Variants in TLE2 observed in about 807,000 individuals in gnomAD.
TLE2 encodes the protein transducin-like enhancer protein 2.
Under a neutral mutation model 97.2 loss-of-function variants are expected in TLE2, and 74 were observed. The ratio of observed to expected loss-of-function variants is 0.76; its 90% confidence interval spans 0.63 to 0.92. TLE2 has a LOEUF of 0.92. Ranked by LOEUF, TLE2 falls within the 40% of genes least tolerant of loss-of-function variation. The pLI, the probability that TLE2 is intolerant of heterozygous loss-of-function variation, is 0.00. For missense variants in TLE2, 1,038 were observed against 1,008.7 expected (o/e 1.03, Z -0.39); for synonymous variants, 499 against 432.1 (o/e 1.15, Z -1.92).
intron 15 of TLE2, 86 bp downstream of exon 15, chr19:3,006,334 C>T (rs1447256847): frequency 6.6e-7 from 1 of 1,526,076 alleles, no homozygotes; most frequent in South Asian, 1.2e-5. Context: ...GCCCCACCCA[C>T]GGCCAGCCTG....
intron 1 of TLE2, among the ~76,000 whole-genome samples, chr19:3,038,847 C>G (rs2090079592): frequency 6.6e-6 from 1 of 152,112 alleles, no homozygotes; most frequent in Non-Finnish European, 1.5e-5. Flanking sequence ...GAGTTCAAGA[C>G]CAGCCTGACC....
At chr19:3,041,747 G>A (rs1307798908) in intron 1 of TLE2, among the ~76,000 whole-genome samples, 1 of 152,204 alleles carries the variant, frequency 6.6e-6, no homozygotes, top group African/African-American at 2.4e-5. Flanking sequence ...CACAGTAGGC[G>A]CCCAATAAAT....
chr19:3,019,967 C>T lies in TLE2; in HGVS notation c.295-194G>A. 4 of 737,292 alleles carry T rather than the reference C, an allele frequency of 5.4e-6. No individual in the cohort carries two copies. The highest frequency in any genetic ancestry group is 3.8e-5 in the South Asian group (2 of 53,020). The allele number at this position is 737,292 out of a possible 1,614,324, so 45.7% of individuals were successfully genotyped here. ...GAAATAAGCACACGGAGAAAGAAAC[C>T]AAACCTAAGTGCAGGTAGAATAGTT... On this transcript the variant is annotated intron_variant, in intron 5 of 19. Coordinates refer to ENST00000262953, the MANE Select transcript of TLE2 (RefSeq NM_003260.5). This position sits in a 1 kb window ranked among gnomAD's most constrained non-coding sequence, Gnocchi z 5.1.
intron 8 of TLE2, 98 bp downstream of exon 8, chr19:3,017,742 A>T (rs923594959): frequency 1.2e-5 from 14 of 1,198,670 alleles, no homozygotes; most frequent in Middle Eastern, 2.1e-4. Context: ...GTGAGCCACC[A>T]TGATCGACCT....
intron 1 of TLE2, among the ~76,000 whole-genome samples, chr19:3,042,517 T>G (rs12611189): frequency 1.4e-5 from 2 of 143,894 alleles, no homozygotes; most frequent in African/African-American, 5.2e-5. Context: ...GAGGCGCCAA[T>G]GAAGAGATCC....
chr19:3,009,389 AC>A (rs2089542889), intron 13 of TLE2, among the ~76,000 whole-genome samples, 152 bp downstream of exon 13: 1 of 151,960 alleles, frequency 6.6e-6, no homozygotes, highest in Non-Finnish European at 1.5e-5. Context: ...GACTACTGAG[AC>A]CCCCAGATTG....
chr19:3,019,416 G>C lies in TLE2; in HGVS notation c.417C>G (p.Thr139=). The change falls in exon 7 of 20, where the codon ACC becomes ACG. Residue 139 remains threonine (T), a synonymous_variant. Transcript: ENST00000262953. The surrounding 1 kb of genome is among the most constrained non-coding windows in gnomAD (Gnocchi z 5.1). ...LSHHAPPVPL[T]PRPAGLVGGS... ...CGCCCACCAGCCCGGCTGGGCGGGG[G>C]GTGAGGGGCACAGGGGGTGCGTGGT... 1 of 1,538,352 alleles carries C rather than the reference G, an allele frequency of 6.5e-7. No homozygotes were observed. Among genetic ancestry groups the C allele is most frequent in the Non-Finnish European group, 8.7e-7 (1 of 1,147,644 alleles).
chr19:3,003,226 G>A (rs1481891047), intron 17 of TLE2, among the ~76,000 whole-genome samples: 1 of 152,294 alleles, frequency 6.6e-6, no homozygotes, highest in Middle Eastern at 3.4e-3. Context: ...AGGGAGGAGG[G>A]AGAGAGGAGG....
chr19:3,040,764 G>A (rs2090094137), intron 1 of TLE2, among the ~76,000 whole-genome samples: 2 of 151,806 alleles, frequency 1.3e-5, no homozygotes, highest in South Asian at 4.1e-4. Context: ...AACCTCCCAA[G>A]TAGCTGAGAC....
At chr19:3,014,470 G>A (rs1280477998) in intron 10 of TLE2, 100 bp downstream of exon 10, 5 of 1,185,050 alleles carry the variant, frequency 4.2e-6, no homozygotes, top group African/African-American at 1.6e-5. Flanking sequence ...CACAGAGCGG[G>A]GAACCAGGAT....
intron 17 of TLE2, 49 bp from the exon 18 acceptor site, chr19:3,002,552 G>T (rs748355115): frequency 3.9e-6 from 6 of 1,534,704 alleles, no homozygotes; most frequent in Non-Finnish European, 3.5e-6. Flanking sequence ...TCTTTGTTTT[G>T]TGTTGAGACA....
intron 11 of TLE2, among the ~76,000 whole-genome samples, chr19:3,011,761 A>G (rs1354198190): frequency 1.3e-5 from 2 of 151,906 alleles, no homozygotes; most frequent in African/African-American, 4.8e-5. Context: ...AAGGCAGGAG[A>G]ATTGCTTGAA....
At position 3,002,477 on chromosome 19, in the gene TLE2, G is replaced by A. The variant is rs2089384474; in HGVS notation, c.1923C>T (p.Asn641=). 1 of 1,591,964 alleles carries A rather than the reference G, an allele frequency of 6.3e-7. No individual in the cohort carries two copies. The highest frequency in any genetic ancestry group is 1.8e-5 in the Admixed American group (1 of 55,642). The stretch of plus-strand genomic sequence containing the variant: ...CCATTCCGACCGCCAGCCAGTCCTG[G>A]TTAGGGCAGTGGCCCAGGGAGAAAA... ...SQIFSLGHCP[N]QDWLAVGMES... Residue 641 remains asparagine (N), a synonymous_variant, in exon 18 of 20, where the codon AAC becomes AAT. Coordinates refer to ENST00000262953, the MANE Select transcript of TLE2 (RefSeq NM_003260.5).
chr19:3,026,828 C>T (rs987323669), intron 4 of TLE2, among the ~76,000 whole-genome samples: 2 of 152,196 alleles, frequency 1.3e-5, no homozygotes, highest in African/African-American at 4.8e-5. Context: ...TATCTCTGAA[C>T]CCTGAGGTCT....
chr19:3,008,538 C>T (rs193253696), intron 14 of TLE2, among the ~76,000 whole-genome samples: 278 of 152,130 alleles, frequency 1.8e-3, no homozygotes, highest in Middle Eastern at 6.8e-3. Context: ...GCAACCTCCA[C>T]CTCCCAGGTT....
chr19:3,018,017 G>T (rs1011026873), intron 7 of TLE2, among the ~76,000 whole-genome samples, 158 bp from the exon 8 acceptor site: 2 of 151,648 alleles, frequency 1.3e-5, no homozygotes, highest in African/African-American at 4.8e-5. Flanking sequence ...GCAAGTGGTG[G>T]ATTATCCCTC....
intron 8 of TLE2, among the ~76,000 whole-genome samples, 160 bp downstream of exon 8, chr19:3,017,680 G>A (rs919092902): frequency 6.6e-6 from 1 of 151,946 alleles, no homozygotes; most frequent in African/African-American, 2.4e-5. Context: ...TCAAACTCCT[G>A]GCCTCAAATG....
Position 3,027,993 on chromosome 19 carries a change from G to GC in TLE2, c.187-121dup, listed in dbSNP as rs369653536. The GC allele has an allele frequency of 1.1e-3, 1,061 of 996,006 alleles. 2 individuals are homozygous for GC. Among genetic ancestry groups the GC allele is most frequent in the South Asian group, 2.3e-3 (152 of 67,040 alleles). The allele number at this position is 996,006 out of a possible 1,614,324, so 61.7% of individuals were successfully genotyped here. ...CAGGGGAATCACAGCAGGAAGCAGA[G>GC]CCCCCCCCAGCTCCACGGGGTCCCA... On this transcript the variant is annotated intron_variant, in intron 3 of 19. Transcript: ENST00000262953.
chr19:3,031,901 C>G (rs930905923), upstream of TLE2, among the ~76,000 whole-genome samples: 2 of 152,102 alleles, frequency 1.3e-5, no homozygotes, highest in Non-Finnish European at 2.9e-5. Context: ...TTCCCAGCTC[C>G]TACCATAGTG....
Sources: allele counts gnomAD v4.1 joint callset (sites outside exome capture counted in the v4.1 genomes callset), GRCh38; gene constraint gnomAD v4.1.1; non-coding constraint Gnocchi (gnomAD v3.1); transcripts MANE v1.5; gene names NCBI Gene and HGNC (gene_info 2026-07-23, HGNC 2026-07-21).